PTPN21: variants seen among roughly 807,000 people sequenced by gnomAD.
PTPN21 encodes tyrosine-protein phosphatase non-receptor type 21.
Under a neutral mutation model 131.8 loss-of-function variants are expected in PTPN21, and 77 were observed. The ratio of observed to expected loss-of-function variants is 0.58; its 90% CI spans 0.49 to 0.71. The LOEUF (loss-of-function observed/expected upper bound fraction) is 0.71. PTPN21 is among the 30% of genes least tolerant of loss of function. PTPN21 has a pLI of 0.00. For synonymous variants in PTPN21, 715 were observed against 621.3 expected (o/e 1.15, Z -2.24); for missense variants, 1,552 against 1,527.1 (o/e 1.02, Z -0.27).
At position 88,466,767 on chromosome 14, in the gene PTPN21, AATT is replaced by A. The variant is rs3841483; in HGVS notation, c.*1367_*1369del. ...ACTAAACAGCTAACACTGGCCAGGG[AATT>A]ATTAAGGAGCTAAAATGCAAGTACC... On this transcript the variant is annotated 3_prime_UTR_variant, in exon 19 of 19. Coordinates refer to ENST00000556564, the MANE Select transcript of PTPN21 (RefSeq NM_007039.4). The A allele has an allele frequency of 0.94, 142,969 of 152,020 alleles. 67,662 individuals carry two copies. Among genetic ancestry groups the A allele is most frequent in the Non-Finnish European group, 0.99 (67,667 of 68,024 alleles). 9.4% of individuals were successfully genotyped at this position (152,020 alleles called of 1,614,324 possible). A position where few individuals can be genotyped will look rare whatever the true frequency, so the allele number is the denominator to read the frequency against.
rs1205345348 is a variant in PTPN21, at chr14:88,480,000, G to C, written c.1431C>G (p.Ile477Met). The C allele has an allele frequency of 3.7e-6, 6 of 1,612,844 alleles. No individual in the cohort carries two copies. The highest frequency in any genetic ancestry group is 1.7e-5 in the Admixed American group (1 of 60,026). ...GCCTGCTGTAGGCGTACGAGCTGCC[G>C]ATGTTGAGGTTTCGCAGCGAGTGGC... ...RQSHSLRNLNIGSSYAYSRPA... is the reference protein window; with the variant it reads ...RQSHSLRNLNMGSSYAYSRPA... The change falls in exon 13 of 19, where the codon ATC becomes ATG. Residue 477 changes from isoleucine to methionine, a missense_variant. Ile to Met is a conservative substitution (Grantham distance 10). Around this residue, in one of 4 missense-constraint regions of PTPN21, gnomAD observed 1,016 missense variants for 883.5 expected, o/e 1.15. Coordinates refer to ENST00000556564, the MANE Select transcript of PTPN21 (RefSeq NM_007039.4).
chr14:88,551,843 T>C (rs2078873983), intron 1 of PTPN21: 1 of 152,304 alleles, frequency 6.6e-6, no homozygotes, highest in Admixed American at 6.5e-5. Context: ...AGCCGGGCTC[T>C]AACAGTTTTT....
intron 18 of PTPN21, among the ~76,000 whole-genome samples, chr14:88,468,648 G>T (rs957094846): frequency 6.6e-6 from 1 of 152,088 alleles, no homozygotes; most frequent in Non-Finnish European, 1.5e-5. Flanking sequence ...AACAGAAAAA[G>T]AATTCTGAGC....
chr14:88,531,098 C>T (rs1410717695), intron 2 of PTPN21, among the ~76,000 whole-genome samples: 2 of 152,076 alleles, frequency 1.3e-5, no homozygotes, highest in African/African-American at 4.8e-5. Context: ...CTCTCTCAGA[C>T]GACAATGGAA....
intron 2 of PTPN21, among the ~76,000 whole-genome samples, chr14:88,518,415 T>TATATATATA (rs1285045246): frequency 5.0e-4 from 4 of 8,016 alleles, no homozygotes; most frequent in East Asian, 8.3e-3. Context: ...TATATATATA[T>TATATATATA]TTTTTTTTTT....
Position 88,479,173 on chromosome 14 carries a change from C to A in PTPN21, c.2258G>T (p.Gly753Val). 1.3e-6 allele frequency: 2 copies of A among 1,553,558 alleles called. No homozygotes were observed. The highest frequency in any genetic ancestry group is 2.3e-5 in the East Asian group (1 of 44,044). Residue 753 changes from glycine (G) to valine (V), a missense_variant, in exon 13 of 19, where the codon GGG (glycine) becomes GTG (valine). Transcript: ENST00000556564. ...CTTGGGCTCCAGGATGTGCAGGGGC[C>A]CGGCGAGCAGGACGCGAGGGCAGCC... Reference protein sequence around the residue: ...PPGCPRVLLAGPLHILEPKAH... With the variant: ...PPGCPRVLLAVPLHILEPKAH...
rs2077422362 is a variant in PTPN21, at chr14:88,469,529, C to T, written c.3205G>A (p.Gly1069Ser). Reference sequence around the variant, plus strand: ...AATCCCTTGAGGTCTTCTGGACAGCCATGTTCAGGCCAGTCTGTGTATTGG... The same window carrying T: ...AATCCCTTGAGGTCTTCTGGACAGCTATGTTCAGGCCAGTCTGTGTATTGG... ...HLQYTDWPEH[G>S]CPEDLKGFLS... The change falls in exon 17 of 19, where the codon GGC becomes AGC. Residue 1069 changes from glycine (G) to serine (S), a missense_variant. Coordinates refer to ENST00000556564, the MANE Select transcript of PTPN21 (RefSeq NM_007039.4). The surrounding 1 kb of genome is among the most constrained non-coding windows in gnomAD (Gnocchi z 4.3). 1.2e-6 allele frequency: 2 copies of T among 1,614,024 alleles called. No individual in the cohort carries two copies. The highest frequency in any genetic ancestry group is 1.7e-6 in the Non-Finnish European group (2 of 1,180,004).
intron 10 of PTPN21, among the ~76,000 whole-genome samples, chr14:88,489,718 T>G (rs1351955846): frequency 6.6e-6 from 1 of 152,196 alleles, no homozygotes. Context: ...CTCAATGACT[T>G]ACACCTTTTG....
At chr14:88,501,414 TG>T (rs1180461327) in intron 6 of PTPN21, 46 bp from the exon 7 acceptor site, 2 of 1,495,966 alleles carry the variant, frequency 1.3e-6, no homozygotes, top group African/African-American at 2.8e-5. Flanking sequence ...AAGCTTAAAA[TG>T]GTTTAAAATA....
Position 88,550,495 on chromosome 14 carries a change from A to G in PTPN21, c.-78T>C. 7.3e-7 allele frequency: 1 copy of G among 1,376,684 alleles called. No homozygotes were observed. The highest frequency in any genetic ancestry group is 2.3e-5 in the East Asian group (1 of 42,930). 85.3% of individuals were successfully genotyped at this position (1,376,684 alleles called of 1,614,324 possible). The stretch of plus-strand genomic sequence containing the variant: ...AACCCAGCGCTGGTGACGCCAGGAG[A>G]AAGCGATCCTCTCCGGATGGGACGA... On this transcript the variant is annotated 5_prime_UTR_variant, in exon 2 of 19. Coordinates refer to ENST00000556564, the MANE Select transcript of PTPN21 (RefSeq NM_007039.4).
chr14:88,554,314 CAA>C (rs1217910659), intron 1 of PTPN21, among the ~76,000 whole-genome samples: 1 of 152,292 alleles, frequency 6.6e-6, no homozygotes, highest in East Asian at 1.9e-4. Context: ...CCCTTCTCGC[CAA>C]AGTTATCTGG....
At chr14:88,478,707 T>A (rs945242511) in intron 13 of PTPN21, among the ~76,000 whole-genome samples, 2 of 152,230 alleles carry the variant, frequency 1.3e-5, no homozygotes, top group African/African-American at 4.8e-5. Flanking sequence ...TCTATAATAA[T>A]TATCTCCAGT....
intron 18 of PTPN21, 125 bp from the exon 19 acceptor site, chr14:88,468,390 T>G (rs763519427): frequency 1.1e-6 from 1 of 941,732 alleles, no homozygotes; most frequent in Non-Finnish European, 1.5e-6. Flanking sequence ...CACCTTAGCG[T>G]CTTCTAGAAA....
At position 88,479,565 on chromosome 14, in the gene PTPN21, C is replaced by A. The variant is rs1254992956; in HGVS notation, c.1866G>T (p.Glu622Asp). 1 of 1,597,852 alleles carries A rather than the reference C, an allele frequency of 6.3e-7. No homozygotes were observed. Among genetic ancestry groups the A allele is most frequent in the East Asian group, 2.2e-5 (1 of 44,760 alleles). Reference protein sequence around the residue: ...PVAHSLQEVSEPLTAARHAQL... With the variant: ...PVAHSLQEVSDPLTAARHAQL... ...GCGCGTGGCGCGCGGCGGTGAGGGGCTCGCTGACCTCCTGCAGCGAGTGCG... is the reference window on the plus strand; with the variant it reads ...GCGCGTGGCGCGCGGCGGTGAGGGGATCGCTGACCTCCTGCAGCGAGTGCG... Residue 622 changes from glutamate (E) to aspartate (D), a missense_variant, in exon 13 of 19, where the codon GAG becomes GAT. Glu to Asp is a conservative substitution (Grantham distance 45). This residue lies in a region of PTPN21 where 1,016 missense variants were observed against 883.5 expected (regional missense o/e 1.15). Coordinates refer to ENST00000556564, the MANE Select transcript of PTPN21 (RefSeq NM_007039.4).
chr14:88,530,105 G>A (rs2078533992), intron 2 of PTPN21, among the ~76,000 whole-genome samples: 1 of 152,086 alleles, frequency 6.6e-6, no homozygotes, highest in Non-Finnish European at 1.5e-5. Context: ...CAAGCCAGAA[G>A]GCATTGGGGT....
intron 2 of PTPN21, among the ~76,000 whole-genome samples, chr14:88,523,716 GACACACACACACACACAC>G (rs71126989): frequency 3.3e-4 from 47 of 144,544 alleles, no homozygotes; most frequent in African/African-American, 5.7e-4. Flanking sequence ...CCCCAACCGT[GACACACACACACACACAC>G]ACACACACAC....
At position 88,468,962 on chromosome 14, in the gene PTPN21, A is replaced by G. The variant is rs1473453081; in HGVS notation, c.3350T>C (p.Val1117Ala). ...GATCATGATCTCCGACAAAATCACC[A>G]CGCCAGTCCTTCCTACCCCAGCACT... ...HCSAGVGRTGVVILSEIMIAC... is the reference protein window; with the variant it reads ...HCSAGVGRTGAVILSEIMIAC... Residue 1117 changes from valine to alanine, a missense_variant, in exon 18 of 19, where the codon GTG (valine) becomes GCG (alanine). Around this residue, in one of 4 missense-constraint regions of PTPN21, gnomAD observed 316 missense variants for 378.5 expected, o/e 0.83. Transcript: ENST00000556564. 1 of 1,614,072 alleles carries G rather than the reference A, an allele frequency of 6.2e-7. No individual in the cohort carries two copies. The highest frequency in any genetic ancestry group is 1.7e-5 in the Admixed American group (1 of 60,006).
chr14:88,468,769 C>A (rs1202210495), intron 18 of PTPN21, 147 bp downstream of exon 18: 5 of 902,006 alleles, frequency 5.5e-6, no homozygotes, highest in Non-Finnish European at 6.8e-6. Context: ...CAAGAAGACA[C>A]AGCCTTTTGC....
chr14:88,492,687 TCTC>T (rs1209906687), intron 10 of PTPN21, among the ~76,000 whole-genome samples: 2 of 152,186 alleles, frequency 1.3e-5, no homozygotes, highest in Non-Finnish European at 2.9e-5. Context: ...CCACAGCCTT[TCTC>T]CTTCCTTCCT....
Sources: gnomAD v4.1 joint callset for allele counts (sites outside exome capture counted in the v4.1 genomes callset) on GRCh38, gnomAD v4.1.1 for gene constraint, gnomAD v4.1.1 regional missense constraint, Gnocchi (gnomAD v3.1) non-coding constraint, MANE v1.5 for transcripts, NCBI Gene and HGNC (gene_info 2026-07-23, HGNC 2026-07-21) for gene names.